The following JAZF1 variants were observed in gnomAD, a reference collection of about 807,000 sequenced individuals.
JAZF1 encodes the protein juxtaposed with another zinc finger protein 1.
A neutral mutation model predicts 26.4 loss-of-function variants in JAZF1; 8 were observed. The observed-to-expected ratio is 0.30, with a 90% CI of 0.18 to 0.55. The LOEUF is 0.55. Among genes scored for constraint, JAZF1 ranks in the 20% least tolerant of loss-of-function variants. The pLI is 0.94. For missense variants in JAZF1, 199 were observed against 322.0 expected (o/e 0.62, Z 2.92); for synonymous variants, 126 against 122.3 (o/e 1.03, Z -0.20).
chr7:27,845,813 G>C (rs767911413), intron 3 of JAZF1, among the ~76,000 whole-genome samples: 2 of 152,070 alleles, frequency 1.3e-5, no homozygotes, highest in African/African-American at 2.4e-5. Context: ...CCCTTCTCCA[G>C]GTCTACCTCA....
rs115817420 is a variant in JAZF1, at chr7:28,098,634, T to C, written c.115+81829A>G. On this transcript the variant is annotated intron_variant, in intron 1 of 4. Transcript: ENST00000283928. ...AAAGTGCAACTAGATTCTAGCTCCT[T>C]TGAACTCTGGGATGCCTCACAATGT... Among the ~76,000 whole-genome samples the C allele has an allele frequency of 7.1e-3, 1,075 of 152,324 alleles. 14 individuals carry two copies. The highest frequency in any genetic ancestry group is 0.024 in the African/African-American group (1,002 of 41,560).
chr7:28,177,607 G>A (rs1303161083), intron 1 of JAZF1, among the ~76,000 whole-genome samples: 1 of 151,992 alleles, frequency 6.6e-6, no homozygotes, highest in Non-Finnish European at 1.5e-5. Context: ...TAATACTCAC[G>A]GTTGCTAAAT....
chr7:28,049,525 T>C (rs961875787), intron 1 of JAZF1, among the ~76,000 whole-genome samples: 5 of 152,186 alleles, frequency 3.3e-5, no homozygotes, highest in African/African-American at 1.2e-4. Flanking sequence ...AATTCAATTA[T>C]GACACTAATC....
At chr7:28,081,726 A>G (rs1162895201) in intron 1 of JAZF1, among the ~76,000 whole-genome samples, 2 of 152,184 alleles carry the variant, frequency 1.3e-5, no homozygotes, top group African/African-American at 4.8e-5. Flanking sequence ...TGTGATACTC[A>G]AAACTTTGTG....
At chr7:28,095,680 T>C (rs143004857) in intron 1 of JAZF1, among the ~76,000 whole-genome samples, 214 of 152,350 alleles carry the variant, frequency 1.4e-3, no homozygotes, top group African/African-American at 5.0e-3. Context: ...GCAGAGCCTC[T>C]GCTGCCTTCC....
chr7:28,154,546 A>C (rs1473564240), intron 1 of JAZF1, among the ~76,000 whole-genome samples: 1 of 152,208 alleles, frequency 6.6e-6, no homozygotes, highest in African/African-American at 2.4e-5. Context: ...AACCACATTT[A>C]CTGAATGTCT....
chr7:28,025,273 T>C (rs1423756778), intron 1 of JAZF1, among the ~76,000 whole-genome samples: 2 of 152,230 alleles, frequency 1.3e-5, no homozygotes, highest in East Asian at 3.8e-4. Flanking sequence ...AACAACCCAG[T>C]CAACCCTTTA....
At position 28,079,262 on chromosome 7, in the gene JAZF1, G is replaced by C. The variant is rs545695817; in HGVS notation, c.116-87281C>G. Among the ~76,000 whole-genome samples the C allele has an allele frequency of 2.6e-5, 4 of 152,216 alleles. No individual in the cohort carries two copies. The South Asian group carries it at 6.2e-4, about 24-fold the overall frequency. ...CCTGCTTGGGCCTCCCAAAGTGTTA[G>C]GATTACAGGTGTGAGCCAACCACAC... On this transcript the variant is annotated intron_variant, in intron 1 of 4. Transcript: ENST00000283928.
At chr7:27,861,452 T>A (rs1783378217) in intron 3 of JAZF1, among the ~76,000 whole-genome samples, 1 of 152,144 alleles carries the variant, frequency 6.6e-6, no homozygotes, top group Admixed American at 6.5e-5. Flanking sequence ...TCCTTTTTAC[T>A]TTCTGGGAGA....
At chr7:27,946,099 A>G (rs1203421616) in intron 2 of JAZF1, among the ~76,000 whole-genome samples, 3 of 152,206 alleles carry the variant, frequency 2.0e-5, no homozygotes, top group Non-Finnish European at 2.9e-5. Flanking sequence ...GAGGATGTTT[A>G]AGGCCAGCTA....
intron 1 of JAZF1, among the ~76,000 whole-genome samples, chr7:28,063,597 A>G (rs1477648451): frequency 2.0e-5 from 3 of 152,212 alleles, no homozygotes; most frequent in African/African-American, 4.8e-5. Flanking sequence ...ATCTTTAAGA[A>G]TAGTTTCATA....
At chr7:27,862,020 C>G (rs1783390835) in intron 3 of JAZF1, among the ~76,000 whole-genome samples, 1 of 152,180 alleles carries the variant, frequency 6.6e-6, no homozygotes, top group South Asian at 2.1e-4. Flanking sequence ...GAGCCATGCT[C>G]TGTCACGGGA....
intron 1 of JAZF1, among the ~76,000 whole-genome samples, chr7:28,049,374 G>A (rs117742893): frequency 0.15 from 22,758 of 151,756 alleles, 1,898 homozygotes; most frequent in South Asian, 0.24. Flanking sequence ...GTGAGCCACC[G>A]CGCCCGGCCG....
At chr7:27,917,781 CTGGAGATT>C (rs1316117188) in intron 2 of JAZF1, among the ~76,000 whole-genome samples, 1 of 152,174 alleles carries the variant, frequency 6.6e-6, no homozygotes. Flanking sequence ...GGAAGGTAAG[CTGGAGATT>C]TTCATGCTAT....
chr7:28,094,386 C>A (rs904373498), intron 1 of JAZF1, among the ~76,000 whole-genome samples: 3 of 152,194 alleles, frequency 2.0e-5, no homozygotes, highest in African/African-American at 7.2e-5. Context: ...GGCTGACTCG[C>A]CAAACATCAG....
chr7:27,897,254 C>T (rs1483702837), intron 2 of JAZF1, among the ~76,000 whole-genome samples: 1 of 152,050 alleles, frequency 6.6e-6, no homozygotes, highest in Non-Finnish European at 1.5e-5. Flanking sequence ...TTTCAAATAG[C>T]AAAATAAACA....
At chr7:27,896,005 T>A (rs1157298429) in intron 2 of JAZF1, among the ~76,000 whole-genome samples, 1 of 152,206 alleles carries the variant, frequency 6.6e-6, no homozygotes, top group Non-Finnish European at 1.5e-5. Flanking sequence ...TAGTCCCCAG[T>A]TCCTAGCACA....
chr7:27,979,149 A>T (rs1272591322), intron 2 of JAZF1, among the ~76,000 whole-genome samples: 1 of 152,124 alleles, frequency 6.6e-6, no homozygotes, highest in African/African-American at 2.4e-5. Context: ...AGTTATAAGA[A>T]CATAGTATAT....
chr7:28,087,114 G>A (rs1015701854), intron 1 of JAZF1, among the ~76,000 whole-genome samples: 2 of 152,052 alleles, frequency 1.3e-5, no homozygotes, highest in African/African-American at 4.8e-5. Context: ...TTTTTATTTA[G>A]CTTTCAACAA....
Sources: allele counts gnomAD v4.1 joint callset (sites outside exome capture counted in the v4.1 genomes callset), GRCh38; gene constraint gnomAD v4.1.1; transcripts MANE v1.5; gene names NCBI Gene and HGNC (gene_info 2026-07-23, HGNC 2026-07-21).